The following NFIX variants were observed in gnomAD, a reference collection of about 807,000 sequenced individuals.
NFIX encodes nuclear factor 1 X-type.
NFIX carries 2 observed loss-of-function variants against 53.3 expected under a neutral mutation model. The observed-to-expected ratio is 0.04, with a 90% confidence interval of 0.02 to 0.12. The LOEUF is 0.12. Among genes scored for constraint, NFIX ranks in the 10% least tolerant of loss-of-function variants. The pLI is 1.00. For missense variants in NFIX, 310 were observed against 674.5 expected (o/e 0.46, Z 5.99); for synonymous variants, 244 against 289.0 (o/e 0.84, Z 1.58).
chr19:13,024,812 G>A, intron 1 of NFIX: 1 of 1,386,106 alleles, frequency 7.2e-7, no homozygotes, highest in Non-Finnish European at 9.9e-7. Context: ...GGAGCAAGTG[G>A]CTGGCGAAGC....
intron 5 of NFIX, among the ~76,000 whole-genome samples, chr19:13,074,814 A>G (rs900030887): frequency 6.6e-6 from 1 of 151,702 alleles, no homozygotes; most frequent in Admixed American, 6.6e-5. Context: ...TCACGCCTGT[A>G]ATCCCAGCAC....
Position 13,043,239 on chromosome 19 carries a change from C to T in NFIX, c.559+17687C>T, listed in dbSNP as rs1157585157. On this transcript the variant is annotated intron_variant, in intron 2 of 10. Transcript: ENST00000592199. This position sits in a 1 kb window ranked among gnomAD's most constrained non-coding sequence, Gnocchi z 4.0. ...CCCTCCAATCCATGTTTTTATGAAT[C>T]TGAGGTGCCCCCTTCCAGGCCTCTG... Among the ~76,000 whole-genome samples, 1 of 152,196 alleles carries T rather than the reference C, an allele frequency of 6.6e-6. No individual in the cohort carries two copies. The highest frequency in any genetic ancestry group is 1.5e-5 in the Non-Finnish European group (1 of 68,042).
Position 13,094,551 on chromosome 19 carries a change from G to A in NFIX, c.1495-84G>A. The A allele has an allele frequency of 7.0e-7, 1 of 1,425,232 alleles. No individual in the cohort carries two copies. The allele number at this position is 1,425,232 out of a possible 1,614,324, so 88.3% of individuals were successfully genotyped here. ...GCTCTTTGGGAGCTGGACCCTTGAG[G>A]GGCCAGGTCACTGGGCCAGGTAGGA... On this transcript the variant is annotated intron_variant, in intron 10 of 10. Coordinates refer to ENST00000592199, the MANE Select transcript of NFIX (RefSeq NM_001365902.3). The surrounding 1 kb of genome is among the most constrained non-coding windows in gnomAD (Gnocchi z 4.3).
chr19:13,022,250 G>C lies in NFIX; in HGVS notation c.28-2771G>C, dbSNP rs1003120757. ...TTTTAATAAACTGTTGCAGTTTCTC[G>C]AGCCGAGCTGTGTTGCGTTGGCATC... On this transcript the variant is annotated intron_variant, in intron 1 of 10. Coordinates refer to ENST00000592199, the MANE Select transcript of NFIX (RefSeq NM_001365902.3). The surrounding 1 kb of genome is among the most constrained non-coding windows in gnomAD (Gnocchi z 4.5). Among the ~76,000 whole-genome samples the C allele has an allele frequency of 5.3e-5, 8 of 152,118 alleles. 1 individual carries two copies. The highest frequency in any genetic ancestry group is 8.8e-5 in the Non-Finnish European group (6 of 68,034).
intron 2 of NFIX, among the ~76,000 whole-genome samples, chr19:13,033,382 C>G (rs1267083342): frequency 6.6e-6 from 1 of 152,132 alleles, no homozygotes. Context: ...TATTCTGGGG[C>G]TGCCCTTTAT....
rs1311154989 is a variant in NFIX at position 13,040,097 on chromosome 19, T to G, written c.559+14545T>G. On this transcript the variant is annotated intron_variant, in intron 2 of 10. Coordinates refer to ENST00000592199, the MANE Select transcript of NFIX (RefSeq NM_001365902.3). The surrounding 1 kb of genome is among the most constrained non-coding windows in gnomAD (Gnocchi z 4.2). ...TGTGGGTTAATGGGTTCAAAGAGAC[T>G]TGGTTTTTCAAAATACTTGTTTTTA... Among the ~76,000 whole-genome samples, 3 of 152,148 alleles carry G rather than the reference T, an allele frequency of 2.0e-5. No individual in the cohort carries two copies. The highest frequency in any genetic ancestry group is 2.9e-5 in the Non-Finnish European group (2 of 68,032).
chr19:13,035,808 T>G (rs1251449993), intron 2 of NFIX, among the ~76,000 whole-genome samples: 1 of 152,162 alleles, frequency 6.6e-6, no homozygotes, highest in African/African-American at 2.4e-5. Context: ...GAGCAGATGG[T>G]ATGTTTGGGC....
At chr19:12,999,081 AGGAC>A (rs1568249634) in intron 1 of NFIX, among the ~76,000 whole-genome samples, 1 of 152,178 alleles carries the variant, frequency 6.6e-6, no homozygotes, top group Non-Finnish European at 1.5e-5. Context: ...CATGGACCCA[AGGAC>A]GGACAGGCGG....
intron 2 of NFIX, among the ~76,000 whole-genome samples, chr19:13,061,292 C>A (rs1385057162): frequency 6.6e-6 from 1 of 152,222 alleles, no homozygotes; most frequent in Non-Finnish European, 1.5e-5. Flanking sequence ...CTAATCAATG[C>A]GAACGGGAAA....
In NFIX at chr19:13,067,701, C is replaced by T. The variant is rs977106378; in HGVS notation, c.560-5346C>T. ...CCCCTTTCACAGTACAAGTTTGTTT[C>T]GAGCAGGAGCTGAGGGCAGTGTTGG... On this transcript the variant is annotated intron_variant, in intron 2 of 10. Coordinates refer to ENST00000592199, the MANE Select transcript of NFIX (RefSeq NM_001365902.3). The surrounding 1 kb of genome is among the most constrained non-coding windows in gnomAD (Gnocchi z 4.2). Among the ~76,000 whole-genome samples the T allele has an allele frequency of 6.6e-6, 1 of 152,102 alleles. No homozygotes were observed. Among genetic ancestry groups the T allele is most frequent in the South Asian group, 2.1e-4 (1 of 4,828 alleles).
At chr19:13,031,848 C>A (rs2145220825) in intron 2 of NFIX, among the ~76,000 whole-genome samples, 1 of 152,268 alleles carries the variant, frequency 6.6e-6, no homozygotes, top group African/African-American at 2.4e-5. Context: ...CTACGTTCTC[C>A]CTCTGTCCTG....
Position 13,021,820 on chromosome 19 carries a change from C to A in NFIX, c.28-3201C>A, listed in dbSNP as rs1333459456. On this transcript the variant is annotated intron_variant, in intron 1 of 10. Coordinates refer to ENST00000592199, the MANE Select transcript of NFIX (RefSeq NM_001365902.3). This position sits in a 1 kb window ranked among gnomAD's most constrained non-coding sequence, Gnocchi z 4.2. ...GTGAGGAAGGTCCCCAAGTGGAGGA[C>A]CAGAGCAGGGGCTCCCCGGTGGGTC... is the stretch of plus-strand genomic sequence containing the variant. Among the ~76,000 whole-genome samples, 1 of 152,092 alleles carries A rather than the reference C, an allele frequency of 6.6e-6. No individual in the cohort carries two copies. Among genetic ancestry groups the A allele is most frequent in the Non-Finnish European group, 1.5e-5 (1 of 68,014 alleles).
chr19:13,062,234 G>A (rs1219123461), intron 2 of NFIX, among the ~76,000 whole-genome samples: 1 of 152,166 alleles, frequency 6.6e-6, no homozygotes, highest in East Asian at 1.9e-4. Flanking sequence ...TCTGGAACCA[G>A]CTCGGCTTTG....
In NFIX at chr19:13,078,811, G is replaced by A; in HGVS notation, c.1078+76G>A. ...TCTAGGGGCAGCTGGCCAGGTGAAG[G>A]GGCCAGAGCTGACCCCGAGTGACAG... On this transcript the variant is annotated intron_variant, in intron 7 of 10. Coordinates refer to ENST00000592199, the MANE Select transcript of NFIX (RefSeq NM_001365902.3). This position sits in a 1 kb window ranked among gnomAD's most constrained non-coding sequence, Gnocchi z 4.7. 2 of 1,470,630 alleles carry A rather than the reference G, an allele frequency of 1.4e-6. No individual in the cohort carries two copies. The highest frequency in any genetic ancestry group is 9.1e-7 in the Non-Finnish European group (1 of 1,103,176). 91.1% of individuals were successfully genotyped at this position (1,470,630 alleles called of 1,614,324 possible).
intron 2 of NFIX, among the ~76,000 whole-genome samples, chr19:13,050,342 A>G (rs1745241717): frequency 6.6e-6 from 1 of 152,122 alleles, no homozygotes; most frequent in African/African-American, 2.4e-5. Context: ...GACGGCCTCT[A>G]TCTTTTTACC....
intron 7 of NFIX, among the ~76,000 whole-genome samples, chr19:13,079,623 G>C (rs1003548978): frequency 3.9e-5 from 6 of 152,156 alleles, no homozygotes; most frequent in Admixed American, 3.9e-4. Flanking sequence ...CTCCTGGCTG[G>C]GAGCCCAGAG....
intron 2 of NFIX, among the ~76,000 whole-genome samples, chr19:13,031,903 C>G (rs1055264884): frequency 6.6e-6 from 1 of 152,152 alleles, no homozygotes; most frequent in African/African-American, 2.4e-5. Context: ...TGAGTGTCCC[C>G]TTTTCTGCCT....
In NFIX at chr19:13,081,772, TACC is replaced by T. The variant is rs755256552; in HGVS notation, c.1183_1185del (p.His395del). The T allele has an allele frequency of 2.7e-5, 43 of 1,613,660 alleles. No homozygotes were observed. The highest frequency in any genetic ancestry group is 3.0e-5 in the Non-Finnish European group (35 of 1,179,720). ...GTATTTCACGCACCCGACCATCCGC[TACC>T]ACCACCACCACGGGCAGGACTCACT... On this transcript the variant is annotated inframe_deletion, in exon 8 of 11. Coordinates refer to ENST00000592199, the MANE Select transcript of NFIX (RefSeq NM_001365902.3). The surrounding 1 kb of genome is among the most constrained non-coding windows in gnomAD (Gnocchi z 4.7).
intron 1 of NFIX, among the ~76,000 whole-genome samples, chr19:13,023,580 T>C (rs979149331): frequency 4.0e-5 from 6 of 151,298 alleles, no homozygotes; most frequent in African/African-American, 1.5e-4. Context: ...TTGTTGGTTG[T>C]GGGGAGATGG....
Sources: gnomAD v4.1 joint callset for allele counts (sites outside exome capture counted in the v4.1 genomes callset) on GRCh38, gnomAD v4.1.1 for gene constraint, Gnocchi (gnomAD v3.1) non-coding constraint, MANE v1.5 for transcripts, NCBI Gene and HGNC (gene_info 2026-07-23, HGNC 2026-07-21) for gene names.